MINK1: variants seen among roughly 807,000 people sequenced by gnomAD.
MINK1 encodes the protein misshapen like kinase 1, also known as misshapen-like kinase 1.
Under a neutral mutation model 178.4 loss-of-function variants are expected in MINK1, and 46 were observed. That is an observed-to-expected ratio of 0.26 (90% CI 0.20 to 0.33). MINK1 has a LOEUF of 0.33. Among genes scored for constraint, MINK1 ranks in the 10% least tolerant of loss-of-function variants. The probability of loss-of-function intolerance (pLI) is 1.00; values close to 1 mark genes in which losing one functional copy is unlikely to be tolerated. For synonymous variants in MINK1, 797 were observed against 709.7 expected, an observed-to-expected ratio of 1.12 and a Z score of -1.96; for missense variants, 1,366 against 1,814.9, an observed-to-expected ratio of 0.75 and a Z score of 4.49.
At position 4,895,006 on chromosome 17, in the gene MINK1, G is replaced by A. The variant is rs1969303743; in HGVS notation, c.2918-69G>A. 1 of 1,533,086 alleles carries A rather than the reference G, an allele frequency of 6.5e-7. No homozygotes were observed. The highest frequency in any genetic ancestry group is 8.9e-7 in the Non-Finnish European group (1 of 1,120,008). 95.0% of individuals were successfully genotyped at this position (1,533,086 alleles called of 1,614,324 possible). ...ATGAGGTGCCAAGACCTGATATAGG[G>A]GATGGAGGTAAAAAGAGATGGGGTG... On this transcript the variant is annotated intron_variant, in intron 24 of 31. Transcript: ENST00000355280. The surrounding 1 kb of genome is among the most constrained non-coding windows in gnomAD (Gnocchi z 4.3).
At chr17:4,851,594 G>C (rs577573894) in intron 1 of MINK1, among the ~76,000 whole-genome samples, 1 of 151,958 alleles carries the variant, frequency 6.6e-6, no homozygotes, top group Non-Finnish European at 1.5e-5. Context: ...TTTCTCCTCC[G>C]AGAAGCCTTC....
chr17:4,833,495 T>A lies in MINK1; in HGVS notation c.-89T>A. Reference sequence around the variant, plus strand: ...GCGCGGTGGAGTCCGCCCCCGGGGTTCTCCGATGGGGGAGAAGCGGCGACG... The same window carrying A: ...GCGCGGTGGAGTCCGCCCCCGGGGTACTCCGATGGGGGAGAAGCGGCGACG... On this transcript the variant is annotated 5_prime_UTR_variant, in exon 1 of 32. Transcript: ENST00000355280. The surrounding 1 kb of genome is among the most constrained non-coding windows in gnomAD (Gnocchi z 4.8). The A allele has an allele frequency of 8.6e-7, 1 of 1,164,596 alleles. No homozygotes were observed. The highest frequency in any genetic ancestry group is 1.2e-6 in the Non-Finnish European group (1 of 840,114). 72.1% of individuals were successfully genotyped at this position (1,164,596 alleles called of 1,614,324 possible). A position where few individuals can be genotyped will look rare whatever the true frequency, so the allele number is the denominator to read the frequency against.
intron 1 of MINK1, chr17:4,860,898 C>T: frequency 2.2e-6 from 1 of 458,984 alleles, no homozygotes; most frequent in Non-Finnish European, 4.4e-6. Flanking sequence ...GAAACTAATA[C>T]ACTTGAAATA....
chr17:4,855,485 CAAA>C (rs151339855), intron 1 of MINK1, among the ~76,000 whole-genome samples: 1 of 92,406 alleles, frequency 1.1e-5, no homozygotes, highest in Non-Finnish European at 1.9e-5. Flanking sequence ...GACTCCATCT[CAAA>C]AAAAAAAAAA....
At chr17:4,858,878 G>C (rs1455802374) in intron 1 of MINK1, among the ~76,000 whole-genome samples, 1 of 152,216 alleles carries the variant, frequency 6.6e-6, no homozygotes, top group Non-Finnish European at 1.5e-5. Flanking sequence ...CAAGGAGCTA[G>C]GAAAGGAGGG....
intron 1 of MINK1, among the ~76,000 whole-genome samples, chr17:4,854,085 T>C (rs1912633225): frequency 1.3e-5 from 2 of 152,298 alleles, no homozygotes; most frequent in South Asian, 2.1e-4. Context: ...CTGACTGTGA[T>C]GGTGTTTATT....
At chr17:4,850,930 C>T (rs891570975) in intron 1 of MINK1, 2 of 439,002 alleles carry the variant, frequency 4.6e-6, no homozygotes, top group Middle Eastern at 3.3e-4. Flanking sequence ...CTCCCACTGC[C>T]ATGCTGTGCC....
In MINK1 at chr17:4,885,010, G is replaced by A. The variant is rs548858282; in HGVS notation, c.508+8G>A. 8 of 1,613,548 alleles carry A rather than the reference G, an allele frequency of 5.0e-6. No individual in the cohort carries two copies. Among genetic ancestry groups the A allele is most frequent in the African/African-American group, 4.0e-5 (3 of 75,022 alleles). On this transcript the variant is annotated splice_region_variant and intron_variant, in intron 6 of 31. Coordinates refer to ENST00000355280, the MANE Select transcript of MINK1 (RefSeq NM_153827.5). This position sits in a 1 kb window ranked among gnomAD's most constrained non-coding sequence, Gnocchi z 5.0. Reference sequence around the variant, plus strand: ...ATGCTGAGGTCAAGCTAGGTGCGCCGGCTCCTTCTGAGGCTGACGAGGACC... The same window carrying A: ...ATGCTGAGGTCAAGCTAGGTGCGCCAGCTCCTTCTGAGGCTGACGAGGACC...
In MINK1 at chr17:4,890,331, C is replaced by T. The variant is rs987776083; in HGVS notation, c.1348-186C>T. 4.2e-6 allele frequency: 6 copies of T among 1,426,754 alleles called. No homozygotes were observed. The African/African-American group carries it at 5.8e-5, about 14-fold the overall frequency. 88.4% of individuals were successfully genotyped at this position (1,426,754 alleles called of 1,614,324 possible). The stretch of plus-strand genomic sequence containing the variant: ...CTGGTAACGGGTCCCTCAGCGTCCT[C>T]TGGGAAGATGCTTTTCAGAGCTTCT... On this transcript the variant is annotated intron_variant, in intron 13 of 31. Coordinates refer to ENST00000355280, the MANE Select transcript of MINK1 (RefSeq NM_153827.5).
rs1389691420 is a variant in MINK1, at chr17:4,859,341, T to G, written c.58-18976T>G. 4 of 977,808 alleles carry G rather than the reference T, an allele frequency of 4.1e-6. No homozygotes were observed. In the East Asian group the frequency reaches 4.5e-4, roughly 111 times the overall value. 60.6% of individuals were successfully genotyped at this position (977,808 alleles called of 1,614,324 possible). Reference sequence around the variant, plus strand: ...GGTCAGCAGAAAAGTGAGGATACCTTTTCCTAACCTACCTGCTTCCCCTGC... The same window carrying G: ...GGTCAGCAGAAAAGTGAGGATACCTGTTCCTAACCTACCTGCTTCCCCTGC... On this transcript the variant is annotated intron_variant, in intron 1 of 31. Transcript: ENST00000355280.
At position 4,880,995 on chromosome 17, in the gene MINK1, C is replaced by A; in HGVS notation, c.135C>A (p.Val45=). Residue 45 remains valine, a synonymous_variant, in exon 3 of 32, where the codon GTC becomes GTA. Coordinates refer to ENST00000355280, the MANE Select transcript of MINK1 (RefSeq NM_153827.5). Reference sequence around the variant, plus strand: ...CCTCTGTCCCGCAGGGTCGGCATGTCAAGACGGGGCAGCTGGCTGCCATCA... The same window carrying A: ...CCTCTGTCCCGCAGGGTCGGCATGTAAAGACGGGGCAGCTGGCTGCCATCA... The part of the protein sequence containing the change: ...TYGQVYKGRH[V]KTGQLAAIKV... The A allele has an allele frequency of 6.6e-7, 1 of 1,519,742 alleles. No individual in the cohort carries two copies. The highest frequency in any genetic ancestry group is 1.2e-5 in the South Asian group (1 of 80,558). 94.1% of individuals were successfully genotyped at this position (1,519,742 alleles called of 1,614,324 possible). A position where few individuals can be genotyped will look rare whatever the true frequency, so the allele number is the denominator to read the frequency against.
chr17:4,845,261 G>T (rs1027406226), intron 1 of MINK1, among the ~76,000 whole-genome samples: 2 of 152,136 alleles, frequency 1.3e-5, no homozygotes, highest in African/African-American at 2.4e-5. Flanking sequence ...ATCACAAGAG[G>T]ATTGGGCAGC....
chr17:4,852,731 G>A (rs1469576652), intron 1 of MINK1, among the ~76,000 whole-genome samples: 2 of 83,090 alleles, frequency 2.4e-5, no homozygotes, highest in African/African-American at 1.0e-4. Flanking sequence ...GGCCCACAGA[G>A]GGAGACAGAA....
intron 1 of MINK1, among the ~76,000 whole-genome samples, chr17:4,856,461 GACATCTGAGAACTTTATCAGAC>G (rs1247517472): frequency 2.0e-5 from 3 of 149,940 alleles, no homozygotes; most frequent in African/African-American, 7.4e-5. Flanking sequence ...TCCCTCCCCC[GACATCTGAGAACTTTATCAGAC>G]ACAGCTGCCG....
At chr17:4,891,279 T>C (rs1034678630) in intron 15 of MINK1, among the ~76,000 whole-genome samples, 155 bp downstream of exon 15, 2 of 152,034 alleles carry the variant, frequency 1.3e-5, no homozygotes, top group Non-Finnish European at 2.9e-5. Flanking sequence ...ACAGACTCAC[T>C]CACCTGCTTC....
chr17:4,846,160 G>A (rs1036362706), intron 1 of MINK1, among the ~76,000 whole-genome samples: 5 of 152,200 alleles, frequency 3.3e-5, no homozygotes, highest in African/African-American at 9.6e-5. Context: ...GGTAGGCTGG[G>A]GTGGTATCTT....
At chr17:4,892,307 TTACCAGCC>T in intron 17 of MINK1, 73 bp downstream of exon 17, 1 of 1,488,332 alleles carries the variant, frequency 6.7e-7, no homozygotes, top group Non-Finnish European at 9.1e-7. Flanking sequence ...CACAGGGACT[TTACCAGCC>T]TACCCGCCTG....
chr17:4,853,976 C>A (rs914328633), intron 1 of MINK1, among the ~76,000 whole-genome samples: 2 of 152,078 alleles, frequency 1.3e-5, no homozygotes, highest in Non-Finnish European at 2.9e-5. Flanking sequence ...CCCTTCCAGG[C>A]CTGCAGTTCT....
intron 2 of MINK1, among the ~76,000 whole-genome samples, chr17:4,879,854 G>A (rs907808538): frequency 6.6e-6 from 1 of 152,114 alleles, no homozygotes; most frequent in Non-Finnish European, 1.5e-5. Context: ...TTTCCCTATC[G>A]ACAAGAATAA....
Sources: allele counts gnomAD v4.1 joint callset (sites outside exome capture counted in the v4.1 genomes callset), GRCh38; gene constraint gnomAD v4.1.1; non-coding constraint Gnocchi (gnomAD v3.1); transcripts MANE v1.5; gene names NCBI Gene and HGNC (gene_info 2026-07-23, HGNC 2026-07-21).